PMEPA1: variants seen among roughly 807,000 people sequenced by gnomAD.
PMEPA1 encodes prostate transmembrane protein, androgen induced 1.
Under a neutral mutation model 23.0 loss-of-function variants are expected in PMEPA1, and 11 were observed. That is an observed-to-expected ratio of 0.48 (90% CI 0.30 to 0.79). PMEPA1 has a LOEUF of 0.79. PMEPA1 is among the 30% of genes least tolerant of loss of function. The pLI, the probability that PMEPA1 is intolerant of heterozygous loss-of-function variation, is 0.06. For synonymous variants in PMEPA1, 204 were observed against 166.4 expected, an observed-to-expected ratio of 1.23 and a Z score of -1.74; for missense variants, 377 against 390.9, an observed-to-expected ratio of 0.96 and a Z score of 0.30.
In PMEPA1 at chr20:57,683,483, G is replaced by A. The variant is rs1213760980; in HGVS notation, c.110-23786C>T. On this transcript the variant is annotated intron_variant, in intron 1 of 3. Transcript: ENST00000341744. The surrounding 1 kb of genome is among the most constrained non-coding windows in gnomAD (Gnocchi z 4.3). Reference sequence around the variant, plus strand: ...CATTCCTGCTTGGGAGCTTCCTGGAGCGAGCAGCCCTGCATGCATTACGAA... The same window carrying A: ...CATTCCTGCTTGGGAGCTTCCTGGAACGAGCAGCCCTGCATGCATTACGAA... 6.6e-6 allele frequency among the ~76,000 whole-genome samples: 1 copy of A among 151,784 alleles called. No homozygotes were observed. The highest frequency in any genetic ancestry group is 1.5e-5 in the Non-Finnish European group (1 of 67,992).
intron 1 of PMEPA1, among the ~76,000 whole-genome samples, chr20:57,700,412 T>C (rs780435179): frequency 1.3e-5 from 2 of 152,212 alleles, no homozygotes; most frequent in South Asian, 2.1e-4. Context: ...CAAAAGCCTA[T>C]AGTGGGGGCA....
chr20:57,654,690 C>T (rs1209675005), intron 2 of PMEPA1, among the ~76,000 whole-genome samples: 1 of 152,202 alleles, frequency 6.6e-6, no homozygotes, highest in Non-Finnish European at 1.5e-5. Context: ...CCTCTCTCCC[C>T]AGCATCTGTG....
At chr20:57,666,482 C>T (rs1032425820) in intron 1 of PMEPA1, among the ~76,000 whole-genome samples, 2 of 152,188 alleles carry the variant, frequency 1.3e-5, no homozygotes, top group African/African-American at 2.4e-5. Flanking sequence ...ACCGCACAGT[C>T]CAAGGCTCAG....
At chr20:57,662,031 C>T (rs439793) in intron 1 of PMEPA1, among the ~76,000 whole-genome samples, 1 of 53,824 alleles carries the variant, frequency 1.9e-5, no homozygotes, top group Non-Finnish European at 3.9e-5. Flanking sequence ...CTACTGAGCC[C>T]GTGTTTCTCA....
chr20:57,665,507 C>CAAAAAATAAAAAAAAAAAA (rs2071479963), intron 1 of PMEPA1, among the ~76,000 whole-genome samples: 1 of 86,084 alleles, frequency 1.2e-5, no homozygotes. Flanking sequence ...CCTCATCTGT[C>CAAAAAATAAAAAAAAAAAA]AAAAAAAAAA....
intron 1 of PMEPA1, among the ~76,000 whole-genome samples, chr20:57,692,180 C>T (rs949175288): frequency 3.3e-5 from 5 of 152,226 alleles, no homozygotes; most frequent in Admixed American, 1.3e-4. Flanking sequence ...TTAATTCTTA[C>T]GATGCCCCCT....
intron 1 of PMEPA1, among the ~76,000 whole-genome samples, chr20:57,675,755 T>C (rs890809088): frequency 6.6e-5 from 10 of 152,164 alleles, no homozygotes; most frequent in Non-Finnish European, 1.3e-4. Context: ...TGTGTCTGCC[T>C]CCCACCTTTG....
chr20:57,684,521 T>C (rs1408392248), intron 1 of PMEPA1, among the ~76,000 whole-genome samples: 3 of 152,140 alleles, frequency 2.0e-5, no homozygotes, highest in Non-Finnish European at 4.4e-5. Flanking sequence ...CACTTTCTGG[T>C]TGCTGGCAGG....
intron 1 of PMEPA1, among the ~76,000 whole-genome samples, chr20:57,706,156 G>C (rs2072083188): frequency 6.6e-6 from 1 of 152,158 alleles, no homozygotes; most frequent in African/African-American, 2.4e-5. Flanking sequence ...CCAGGGCAGG[G>C]GCACCTCCCA....
Position 57,651,854 on chromosome 20 carries a change from C to CTTT in PMEPA1, c.*196_*198dup. On this transcript the variant is annotated 3_prime_UTR_variant, in exon 4 of 4. Transcript: ENST00000341744. ...AACGTGGTTTTTTTTTTTCTTTTTT[C>CTTT]TTTTTTTTTTTGCAAGCTCTCTTAG... is the stretch of plus-strand genomic sequence containing the variant. 7.6e-6 allele frequency: 2 copies of CTTT among 263,608 alleles called. No individual in the cohort carries two copies. Among genetic ancestry groups the CTTT allele is most frequent in the Admixed American group, 5.8e-5 (1 of 17,332 alleles). 16.3% of individuals were successfully genotyped at this position (263,608 alleles called of 1,614,324 possible).
At chr20:57,702,627 G>C (rs2072027717) in intron 1 of PMEPA1, among the ~76,000 whole-genome samples, 1 of 152,214 alleles carries the variant, frequency 6.6e-6, no homozygotes, top group South Asian at 2.1e-4. Context: ...GGAAAAGAAA[G>C]CCTGGGAGTG....
chr20:57,656,690 G>T lies in PMEPA1; in HGVS notation c.264+2853C>A, dbSNP rs73182862. On this transcript the variant is annotated intron_variant, in intron 2 of 3. Transcript: ENST00000341744. The surrounding 1 kb of genome is among the most constrained non-coding windows in gnomAD (Gnocchi z 4.7). Reference sequence around the variant, plus strand: ...CACAACAAGGAGGTGACAAGGCCGAGAAAAGACCTCAGAGCTCAGGGTCTT... The same window carrying T: ...CACAACAAGGAGGTGACAAGGCCGATAAAAGACCTCAGAGCTCAGGGTCTT... Among the ~76,000 whole-genome samples the T allele has an allele frequency of 0.027, 4,164 of 152,300 alleles. 82 individuals carry two copies. Among genetic ancestry groups the T allele is most frequent in the Middle Eastern group, 0.041 (12 of 294 alleles).
intron 1 of PMEPA1, among the ~76,000 whole-genome samples, chr20:57,665,559 C>T (rs544944223): frequency 3.3e-5 from 5 of 151,278 alleles, no homozygotes; most frequent in East Asian, 1.9e-4. Flanking sequence ...ATAATGGATG[C>T]GAGAGCTCAG....
chr20:57,686,386 C>T (rs1307420533), intron 1 of PMEPA1, among the ~76,000 whole-genome samples: 3 of 152,170 alleles, frequency 2.0e-5, no homozygotes, highest in Non-Finnish European at 1.5e-5. Flanking sequence ...GACTGGTCTG[C>T]TCTCCTTCCT....
In PMEPA1 at chr20:57,704,542, C is replaced by T. The variant is rs981960333; in HGVS notation, c.109+4932G>A. Reference sequence around the variant, plus strand: ...CCGAGGCTGGCAGCAGCACAGCCTCCGAAATTCACCGTGTAAGAGTTCCTT... The same window carrying T: ...CCGAGGCTGGCAGCAGCACAGCCTCTGAAATTCACCGTGTAAGAGTTCCTT... On this transcript the variant is annotated intron_variant, in intron 1 of 3. Coordinates refer to ENST00000341744, the MANE Select transcript of PMEPA1 (RefSeq NM_020182.5). This position sits in a 1 kb window ranked among gnomAD's most constrained non-coding sequence, Gnocchi z 4.6. Among the ~76,000 whole-genome samples, 4 of 152,340 alleles carry T rather than the reference C, an allele frequency of 2.6e-5. No individual in the cohort carries two copies. The highest frequency in any genetic ancestry group is 2.1e-4 in the South Asian group (1 of 4,832).
In PMEPA1 at chr20:57,704,344, C is replaced by T. The variant is rs1313094163; in HGVS notation, c.109+5130G>A. ...TCCCCCAGCCTCGGGGAGCCCCTGG[C>T]ACAGCATGGTACCATCCTTGTCACT... On this transcript the variant is annotated intron_variant, in intron 1 of 3. Coordinates refer to ENST00000341744, the MANE Select transcript of PMEPA1 (RefSeq NM_020182.5). The surrounding 1 kb of genome is among the most constrained non-coding windows in gnomAD (Gnocchi z 4.6). Among the ~76,000 whole-genome samples the T allele has an allele frequency of 1.3e-5, 2 of 152,168 alleles. No individual in the cohort carries two copies. The highest frequency in any genetic ancestry group is 1.5e-5 in the Non-Finnish European group (1 of 68,028).
Position 57,650,372 on chromosome 20 carries a change from T to A in PMEPA1, c.*1681A>T, listed in dbSNP as rs1404735238. The A allele has an allele frequency of 6.6e-6, 1 of 152,122 alleles. No individual in the cohort carries two copies. Among genetic ancestry groups the A allele is most frequent in the African/African-American group, 2.4e-5 (1 of 41,456 alleles). 9.4% of individuals were successfully genotyped at this position (152,122 alleles called of 1,614,324 possible). ...CCAGCTGGGGGCCCTCCCACCCCCA[T>A]GGGGAGGAAAGACGTCAAGCTCCAG... On this transcript the variant is annotated 3_prime_UTR_variant, in exon 4 of 4. Transcript: ENST00000341744.
chr20:57,687,994 T>A (rs2146692555), intron 1 of PMEPA1, among the ~76,000 whole-genome samples: 1 of 152,304 alleles, frequency 6.6e-6, no homozygotes, highest in Middle Eastern at 3.4e-3. Flanking sequence ...TTCAGTGTCT[T>A]TCCCTCTTCC....
At chr20:57,700,161 C>A (rs2071992202) in intron 1 of PMEPA1, 2 of 471,464 alleles carry the variant, frequency 4.2e-6, no homozygotes, top group Admixed American at 2.3e-5. Flanking sequence ...GCTGATGCGA[C>A]TTGCATACTG....
Sources: gnomAD v4.1 joint callset for allele counts (sites outside exome capture counted in the v4.1 genomes callset) on GRCh38, gnomAD v4.1.1 for gene constraint, Gnocchi (gnomAD v3.1) non-coding constraint, MANE v1.5 for transcripts, NCBI Gene and HGNC (gene_info 2026-07-23, HGNC 2026-07-21) for gene names.